CABLES1: variants seen among roughly 807,000 people sequenced by gnomAD.
CABLES1 encodes the protein CDK5 and ABL1 enzyme substrate 1.
CABLES1 carries 36 observed loss-of-function variants against 57.8 expected under a neutral mutation model. The observed-to-expected ratio is 0.62, with a 90% CI of 0.48 to 0.82. CABLES1 has a LOEUF of 0.82. Among genes scored for constraint, CABLES1 ranks in the 40% least tolerant of loss-of-function variants. CABLES1 has a pLI of 0.00. For synonymous variants in CABLES1, 374 were observed against 363.0 expected (o/e 1.03, Z -0.35); for missense variants, 767 against 836.6 (o/e 0.92, Z 1.03).
intron 1 of CABLES1, among the ~76,000 whole-genome samples, chr18:23,172,237 G>T (rs759120420): frequency 5.3e-5 from 8 of 152,136 alleles, no homozygotes; most frequent in Non-Finnish European, 4.4e-5. Context: ...ATCTTAACAC[G>T]GTAGAGACAG....
intron 4 of CABLES1, chr18:23,214,342 A>C (rs776416256): frequency 3.5e-6 from 1 of 287,852 alleles, no homozygotes; most frequent in East Asian, 7.3e-5. Context: ...GGGGCCCACC[A>C]TATTCCACAG....
chr18:23,165,825 G>A (rs2047038475), intron 1 of CABLES1, among the ~76,000 whole-genome samples: 1 of 152,058 alleles, frequency 6.6e-6, no homozygotes, highest in Admixed American at 6.5e-5. Flanking sequence ...GATGCACAGT[G>A]TGCTAAAACT....
chr18:23,199,479 T>A (rs1206448984), intron 3 of CABLES1, among the ~76,000 whole-genome samples: 1 of 152,210 alleles, frequency 6.6e-6, no homozygotes, highest in Non-Finnish European at 1.5e-5. Context: ...GGATAGACCA[T>A]GTGCTGTATC....
chr18:23,209,465 C>T (rs1420715713), intron 3 of CABLES1, among the ~76,000 whole-genome samples: 1 of 152,168 alleles, frequency 6.6e-6, no homozygotes, highest in Non-Finnish European at 1.5e-5. Context: ...CGTATTCTTT[C>T]TTGCTTCCTG....
chr18:23,219,274 T>G lies in CABLES1; in HGVS notation c.1088+5220T>G, dbSNP rs372920920. 2.1e-3 allele frequency: 975 copies of G among 454,136 alleles called. 18 individuals carry two copies. The highest frequency in any genetic ancestry group is 0.015 in the South Asian group (947 of 64,480). The allele number at this position is 454,136 out of a possible 1,614,324, so 28.1% of individuals were successfully genotyped here. A position where few individuals can be genotyped will look rare whatever the true frequency, so the allele number is the denominator to read the frequency against. ...CCTCTGTCTGAGTAGGAGACGGGAA[T>G]AAGCTAGTAAACCAATCATCAAACA... is the stretch of plus-strand genomic sequence containing the variant. On this transcript the variant is annotated intron_variant, in intron 4 of 9. Transcript: ENST00000256925.
chr18:23,229,954 A>G (rs1445103266), intron 4 of CABLES1, among the ~76,000 whole-genome samples: 1 of 152,268 alleles, frequency 6.6e-6, no homozygotes, highest in African/African-American at 2.4e-5. Context: ...TGTTAATATC[A>G]GAAAGATTCC....
intron 4 of CABLES1, among the ~76,000 whole-genome samples, chr18:23,224,335 G>A (rs557522530): frequency 1.6e-4 from 24 of 152,038 alleles, no homozygotes; most frequent in East Asian, 1.4e-3. Flanking sequence ...CATGGGCACC[G>A]GCGGCCAGGG....
In CABLES1 at chr18:23,148,013, G is replaced by A. The variant is rs1311483959; in HGVS notation, c.845+11406G>A. On this transcript the variant is annotated intron_variant, in intron 1 of 9. Coordinates refer to ENST00000256925, the MANE Select transcript of CABLES1 (RefSeq NM_001100619.3). Reference sequence around the variant, plus strand: ...TTTTTTTTTTTTTTTTTTTTGAGACGGAGTCTCGCTTTGTTGCCCAGGCTG... The same window carrying A: ...TTTTTTTTTTTTTTTTTTTTGAGACAGAGTCTCGCTTTGTTGCCCAGGCTG... Among the ~76,000 whole-genome samples the A allele has an allele frequency of 4.4e-5, 6 of 135,302 alleles. No homozygotes were observed. In the East Asian group the frequency reaches 8.6e-4, roughly 19 times the overall value. 88.8% of individuals were successfully genotyped at this position (135,302 alleles called of 152,430 possible).
At chr18:23,151,014 CGT>C (rs1491243132) in intron 1 of CABLES1, among the ~76,000 whole-genome samples, 5 of 104,650 alleles carry the variant, frequency 4.8e-5, no homozygotes, top group African/African-American at 1.2e-4. Flanking sequence ...CCCTGGCCTA[CGT>C]TTTTTTTTTT....
At chr18:23,179,870 T>C (rs2047151914) in intron 1 of CABLES1, among the ~76,000 whole-genome samples, 1 of 152,244 alleles carries the variant, frequency 6.6e-6, no homozygotes, top group African/African-American at 2.4e-5. Flanking sequence ...TCTTCATCTG[T>C]GAACACGTGT....
intron 7 of CABLES1, among the ~76,000 whole-genome samples, chr18:23,247,447 T>A (rs983880542): frequency 6.6e-6 from 1 of 152,226 alleles, no homozygotes; most frequent in East Asian, 1.9e-4. Flanking sequence ...GCTGGGCCCC[T>A]TCCAAGCCAG....
In CABLES1 at chr18:23,135,813, C is replaced by G. The variant is rs982750117; in HGVS notation, c.51C>G (p.Ser17Arg). 3.3e-4 allele frequency: 319 copies of G among 968,250 alleles called. 1 individual carries two copies. In the Admixed American group the frequency reaches 0.016, roughly 50 times the overall value. 60.0% of individuals were successfully genotyped at this position (968,250 alleles called of 1,614,324 possible). A position where few individuals can be genotyped will look rare whatever the true frequency, so the allele number is the denominator to read the frequency against. Reference protein sequence around the residue: ...AATTAACSSGSAGTDAAGASG... With the variant: ...AATTAACSSGRAGTDAAGASG... ...CCACGGCCGCCTGCAGCAGCGGCAG[C>G]GCCGGCACCGACGCCGCGGGCGCCA... Residue 17 changes from serine to arginine, a missense_variant, in exon 1 of 10, where the codon AGC (serine) becomes AGG (arginine). Coordinates refer to ENST00000256925, the MANE Select transcript of CABLES1 (RefSeq NM_001100619.3).
chr18:23,149,080 G>C (rs1165164723), intron 1 of CABLES1, among the ~76,000 whole-genome samples: 2 of 152,182 alleles, frequency 1.3e-5, no homozygotes, highest in African/African-American at 4.8e-5. Context: ...TTTTAGTAGA[G>C]ATTGGGTTTT....
At chr18:23,200,091 A>G (rs752532264) in intron 3 of CABLES1, among the ~76,000 whole-genome samples, 8 of 152,338 alleles carry the variant, frequency 5.3e-5, no homozygotes, top group South Asian at 2.1e-4. Flanking sequence ...TTGAATAAAC[A>G]GAGAGGCCTT....
intron 4 of CABLES1, among the ~76,000 whole-genome samples, chr18:23,221,638 C>T (rs2047487953): frequency 6.6e-6 from 1 of 152,216 alleles, no homozygotes; most frequent in African/African-American, 2.4e-5. Flanking sequence ...TTGACGCTGC[C>T]ATCTGGGGCC....
chr18:23,253,920 T>G lies in CABLES1; in HGVS notation c.1745T>G (p.Val582Gly). 1 of 1,614,082 alleles carries G rather than the reference T, an allele frequency of 6.2e-7. No individual in the cohort carries two copies. The highest frequency in any genetic ancestry group is 8.5e-7 in the Non-Finnish European group (1 of 1,180,028). The stretch of plus-strand genomic sequence containing the variant: ...GGAAGTGACCTCAAAAAACACGAAG[T>G]CAAGCATTTAATTGACGTAAGTAGC... ...KIGSDLKKHE[V>G]KHLIDKLEEK... Residue 582 changes from valine (V) to glycine (G), a missense_variant, in exon 9 of 10, where the codon GTC becomes GGC. Around this residue, in one of 4 missense-constraint regions of CABLES1, gnomAD observed 529 missense variants for 622.8 expected, o/e 0.85. Coordinates refer to ENST00000256925, the MANE Select transcript of CABLES1 (RefSeq NM_001100619.3).
intron 4 of CABLES1, among the ~76,000 whole-genome samples, chr18:23,216,739 G>T (rs1004619463): frequency 2.0e-5 from 3 of 152,200 alleles, no homozygotes; most frequent in Admixed American, 1.3e-4. Context: ...AGGGCACTCA[G>T]ACCATCTCCA....
chr18:23,137,553 A>G (rs1434519893), intron 1 of CABLES1, among the ~76,000 whole-genome samples: 1 of 152,150 alleles, frequency 6.6e-6, no homozygotes, highest in Non-Finnish European at 1.5e-5. Flanking sequence ...ACCTTGACAA[A>G]GTTGTTTTAA....
At chr18:23,135,212 G>A (rs1281274060), upstream of CABLES1, among the ~76,000 whole-genome samples, 2 of 152,098 alleles carry the variant, frequency 1.3e-5, no homozygotes, top group Non-Finnish European at 2.9e-5. Flanking sequence ...CCGCGGCCCC[G>A]GGAGTCGCCA....
Sources: allele counts gnomAD v4.1 joint callset (sites outside exome capture counted in the v4.1 genomes callset), GRCh38; gene constraint gnomAD v4.1.1; regional missense constraint gnomAD v4.1.1; transcripts MANE v1.5; gene names NCBI Gene and HGNC (gene_info 2026-07-23, HGNC 2026-07-21).